Variants in CROCC observed in about 807,000 individuals in gnomAD.
The protein encoded by CROCC is rootletin.
A neutral mutation model predicts 245.2 loss-of-function variants in CROCC; 180 were observed. That is an observed-to-expected ratio of 0.73 (90% CI 0.65 to 0.83). CROCC has a LOEUF of 0.83. Ranked by LOEUF, CROCC falls within the 40% of genes least tolerant of loss-of-function variation. The pLI is 0.00. For missense variants in CROCC, 2,688 were observed against 2,779.4 expected (o/e 0.97, Z 0.74); for synonymous variants, 1,205 against 1,241.6 (o/e 0.97, Z 0.62).
chr1:16,936,898 G>A (rs533210037), intron 9 of CROCC, 25 bp downstream of exon 9: 114 of 1,589,486 alleles, frequency 7.2e-5, no homozygotes, highest in South Asian at 2.9e-4. Context: ...GATGCCGCAC[G>A]AGGCAGGCGT....
chr1:16,924,741 G>A (rs1218382473), intron 3 of CROCC, among the ~76,000 whole-genome samples: 1 of 152,292 alleles, frequency 6.6e-6, no homozygotes, highest in African/African-American at 2.4e-5. Flanking sequence ...GGCACCAGGG[G>A]TATTTTGTTC....
chr1:16,919,473 G>A (rs1179040649), upstream of CROCC, among the ~76,000 whole-genome samples: 1 of 152,288 alleles, frequency 6.6e-6, no homozygotes, highest in African/African-American at 2.4e-5. Context: ...CAGGGACGGA[G>A]GGCTGAGGCA....
At position 16,965,746 on chromosome 1, in the gene CROCC, C is replaced by G; in HGVS notation, c.4429C>G (p.Pro1477Ala). Residue 1477 changes from proline (P) to alanine (A), a missense_variant, in exon 28 of 37, where the codon CCC becomes GCC. Physicochemically the swap from Pro to Ala is conservative, Grantham distance 27. This residue lies in a region of CROCC where 1,218 missense variants were observed against 1,286.3 expected (regional missense o/e 0.95). Coordinates refer to ENST00000375541, the MANE Select transcript of CROCC (RefSeq NM_014675.5). ...AGGAAGCGGGGAAGGGCTCAACAGC[C>G]CCAGCACCTTAGAATGCAGCCCTGG... The part of the protein sequence containing the change: ...AEGSGEGLNS[P>A]STLECSPGSQ... 1 of 1,613,564 alleles carries G rather than the reference C, an allele frequency of 6.2e-7. No homozygotes were observed. The highest frequency in any genetic ancestry group is 8.5e-7 in the Non-Finnish European group (1 of 1,179,694).
In CROCC at chr1:16,958,702, G is replaced by A; in HGVS notation, c.3984G>A (p.Arg1328=). Residue 1328 remains arginine, a synonymous_variant, in exon 26 of 37, where the codon CGG becomes CGA. Coordinates refer to ENST00000375541, the MANE Select transcript of CROCC (RefSeq NM_014675.5). The part of the protein sequence containing the change: ...KESRRETLGL[R]QRLLKGEASL... Reference sequence around the variant, plus strand: ...GCAGGCGGGAGACCCTGGGCCTCCGGCAGAGGCTGCTGAAGGGCGAGGCCA... The same window carrying A: ...GCAGGCGGGAGACCCTGGGCCTCCGACAGAGGCTGCTGAAGGGCGAGGCCA... 6.4e-7 allele frequency: 1 copy of A among 1,560,746 alleles called. No individual in the cohort carries two copies. Among genetic ancestry groups the A allele is most frequent in the Non-Finnish European group, 8.7e-7 (1 of 1,153,308 alleles).
At chr1:16,949,590 T>C (rs147081806) in intron 19 of CROCC, among the ~76,000 whole-genome samples, 2,948 of 152,308 alleles carry the variant, frequency 0.019, 96 homozygotes, top group African/African-American at 0.068. Flanking sequence ...AGATGCTTTA[T>C]GTGTAGCTGT....
At chr1:16,957,099 C>T (rs1386791152) in intron 25 of CROCC, among the ~76,000 whole-genome samples, 2 of 152,180 alleles carry the variant, frequency 1.3e-5, no homozygotes, top group Non-Finnish European at 2.9e-5. Flanking sequence ...TGGTGAAAAC[C>T]TGTCTCTACT....
At position 16,968,317 on chromosome 1, in the gene CROCC, C is replaced by G; in HGVS notation, c.4975C>G (p.Arg1659Gly). The G allele has an allele frequency of 6.5e-7, 1 of 1,549,524 alleles. No homozygotes were observed. The highest frequency in any genetic ancestry group is 8.7e-7 in the Non-Finnish European group (1 of 1,147,120). ...CACTGTCAAGCTGGAGCTGCAGCGG[C>G]GCTCGCTTGAGGGGGAGCTGCAGCG... ...SRTVKLELQR[R>G]SLEGELQRSR... Residue 1659 changes from arginine to glycine, a missense_variant, in exon 31 of 37, where the codon CGC becomes GGC. Physicochemically the swap from Arg to Gly is moderately radical, Grantham distance 125 (BLOSUM62 -2). Around this residue, in one of 9 missense-constraint regions of CROCC, gnomAD observed 1,218 missense variants for 1,286.3 expected, o/e 0.95. Transcript: ENST00000375541.
chr1:16,952,138 C>T (rs1176030310), intron 20 of CROCC, among the ~76,000 whole-genome samples: 7 of 150,950 alleles, frequency 4.6e-5, no homozygotes, highest in South Asian at 2.1e-4. Context: ...CTGCCCACCT[C>T]GGCCTCCCAA....
At chr1:16,935,963 TCCCTCAGTG>T (rs1264108395) in intron 8 of CROCC, among the ~76,000 whole-genome samples, 1 of 152,234 alleles carries the variant, frequency 6.6e-6, no homozygotes, top group Non-Finnish European at 1.5e-5. Flanking sequence ...TTCAGAGCTC[TCCCTCAGTG>T]CCCTCCGTTG....
chr1:16,940,874 G>A (rs1157467305), intron 13 of CROCC: 1 of 418,716 alleles, frequency 2.4e-6, no homozygotes, highest in Non-Finnish European at 4.8e-6. Flanking sequence ...TTGGGGGCCT[G>A]GGCCTGGCCT....
intron 7 of CROCC, 24 bp from the exon 8 acceptor site, chr1:16,931,267 T>A (rs2075670407): frequency 6.3e-7 from 1 of 1,594,864 alleles, no homozygotes; most frequent in Admixed American, 1.7e-5. Flanking sequence ...CACCAACCCT[T>A]CCCTCGGCAT....
chr1:16,916,152 C>G (rs2075301074), intron 1 of CROCC, among the ~76,000 whole-genome samples: 1 of 146,436 alleles, frequency 6.8e-6, no homozygotes, highest in South Asian at 2.1e-4. Context: ...CACTCCAGCT[C>G]AGGCCTGGGC....
chr1:16,964,316 TTC>T (rs755235406), intron 27 of CROCC, among the ~76,000 whole-genome samples: 65 of 147,122 alleles, frequency 4.4e-4, no homozygotes, highest in Non-Finnish European at 8.0e-4. Context: ...CAGCTAATTT[TTC>T]TCTTTTCTTT....
At chr1:16,968,124 C>A in intron 30 of CROCC, 79 bp from the exon 31 acceptor site, 1 of 1,432,810 alleles carries the variant, frequency 7.0e-7, no homozygotes, top group Non-Finnish European at 9.6e-7. Context: ...CCCACTTTCC[C>A]CCTAAGGGCC....
At position 16,955,482 on chromosome 1, in the gene CROCC, C is replaced by T. The variant is rs1330583197; in HGVS notation, c.3636C>T (p.Arg1212=). 8 of 1,583,414 alleles carry T rather than the reference C, an allele frequency of 5.1e-6. No homozygotes were observed. The Admixed American group carries it at 5.4e-5, about 11-fold the overall frequency. The part of the protein sequence containing the change: ...RRSLGEGAKE[R]EALRRSNEEL... Reference sequence around the variant, plus strand: ...GCCTGGGCGAGGGTGCCAAGGAGCGCGAGGCCCTGCGGCGTTCCAATGAGG... The same window carrying T: ...GCCTGGGCGAGGGTGCCAAGGAGCGTGAGGCCCTGCGGCGTTCCAATGAGG... Residue 1212 remains arginine, a synonymous_variant, in exon 24 of 37, where the codon CGC becomes CGT. Transcript: ENST00000375541.
chr1:16,968,066 G>T (rs1406990636), intron 30 of CROCC, 137 bp from the exon 31 acceptor site: 2 of 780,244 alleles, frequency 2.6e-6, no homozygotes, highest in Non-Finnish European at 2.1e-6. Context: ...GACCCCAGAG[G>T]GTCCCAGGCC....
At chr1:16,946,147 T>C (rs746473405) in intron 15 of CROCC, 112 bp from the exon 16 acceptor site, 3 of 1,238,464 alleles carry the variant, frequency 2.4e-6, no homozygotes, top group South Asian at 1.6e-5. Context: ...GTCCCCTCCT[T>C]GTCTCCCCTA....
chr1:16,918,731 G>GTTTTTTTTT (rs1322555949), upstream of CROCC, among the ~76,000 whole-genome samples: 2 of 78,178 alleles, frequency 2.6e-5, no homozygotes, highest in African/African-American at 9.0e-5. Flanking sequence ...GGCCGGTTTA[G>GTTTTTTTTT]TTTTTTGTTT....
chr1:16,966,997 A>G lies in CROCC; in HGVS notation c.4860+426A>G, dbSNP rs548042371. Among the ~76,000 whole-genome samples, 482 of 152,088 alleles carry G rather than the reference A, an allele frequency of 3.2e-3. 3 individuals are homozygous for G. Among genetic ancestry groups the G allele is most frequent in the Middle Eastern group, 0.014 (4 of 294 alleles). ...TGGAGCCCGGTAGGTCGAGGCTGCAATGAGCTGTGATCATGCCACTGCACT... is the reference window on the plus strand; with the variant it reads ...TGGAGCCCGGTAGGTCGAGGCTGCAGTGAGCTGTGATCATGCCACTGCACT... On this transcript the variant is annotated intron_variant, in intron 30 of 36. Coordinates refer to ENST00000375541, the MANE Select transcript of CROCC (RefSeq NM_014675.5). The surrounding 1 kb of genome is among the most constrained non-coding windows in gnomAD (Gnocchi z 4.8).
Sources: gnomAD v4.1 joint callset for allele counts (sites outside exome capture counted in the v4.1 genomes callset) on GRCh38, gnomAD v4.1.1 for gene constraint, gnomAD v4.1.1 regional missense constraint, Gnocchi (gnomAD v3.1) non-coding constraint, MANE v1.5 for transcripts, NCBI Gene and HGNC (gene_info 2026-07-23, HGNC 2026-07-21) for gene names.